TLL2: variants seen among roughly 807,000 people sequenced by gnomAD.
TLL2 encodes the protein tolloid-like protein 2.
TLL2 carries 106 observed loss-of-function variants against 123.0 expected under a neutral mutation model. The observed-to-expected ratio is 0.86, with a 90% CI of 0.74 to 1.01. The LOEUF (loss-of-function observed/expected upper bound fraction) is 1.01. Ranked by LOEUF, TLL2 falls within the 50% of genes least tolerant of loss-of-function variation. The pLI is 0.00. For synonymous variants in TLL2, 494 were observed against 516.8 expected (o/e 0.96, Z 0.60); for missense variants, 1,332 against 1,336.7 (o/e 1.00, Z 0.06).
intron 13 of TLL2, among the ~76,000 whole-genome samples, chr10:96,387,306 G>A (rs1379012593): frequency 6.6e-6 from 1 of 152,226 alleles, no homozygotes; most frequent in Non-Finnish European, 1.5e-5. Flanking sequence ...GCTGGGGTAG[G>A]CTCTGCCAAG....
intron 1 of TLL2, among the ~76,000 whole-genome samples, chr10:96,508,222 A>G (rs955263672): frequency 6.6e-6 from 1 of 152,148 alleles, no homozygotes; most frequent in African/African-American, 2.4e-5. Flanking sequence ...AATCTTCCCA[A>G]TGCCACTCTG....
intron 2 of TLL2, among the ~76,000 whole-genome samples, chr10:96,462,665 A>G (rs1005895234): frequency 6.6e-6 from 1 of 152,220 alleles, no homozygotes; most frequent in African/African-American, 2.4e-5. Flanking sequence ...CTGTTTAAAG[A>G]CACCTAATTT....
At chr10:96,455,352 T>C (rs1014847035) in intron 2 of TLL2, among the ~76,000 whole-genome samples, 1 of 152,192 alleles carries the variant, frequency 6.6e-6, no homozygotes, top group Non-Finnish European at 1.5e-5. Context: ...TTGGCCAAGA[T>C]ACACTGGGTA....
rs148586913 is a variant in TLL2 at position 96,413,287 on chromosome 10, C to T, written c.953G>A (p.Arg318His). 3.1e-5 allele frequency: 50 copies of T among 1,613,850 alleles called. No individual in the cohort carries two copies. The highest frequency in any genetic ancestry group is 3.8e-5 in the Non-Finnish European group (45 of 1,179,880). ...RGVFLDTILP[R>H]QDDNGVRPTI... ...TGGCCTGACGCCATTGTCATCTTGA[C>T]GGGGAAGGATGGTGTCTAAGAAAAC... The change falls in exon 8 of 21, where the codon CGT (arginine) becomes CAT (histidine). Residue 318 changes from arginine (R) to histidine (H), a missense_variant. Physicochemically the swap from Arg to His is conservative, Grantham distance 29. Coordinates refer to ENST00000357947, the MANE Select transcript of TLL2 (RefSeq NM_012465.4).
At chr10:96,484,590 TACACACACACACACACACAC>T (rs56286214) in intron 1 of TLL2, among the ~76,000 whole-genome samples, 11 of 146,028 alleles carry the variant, frequency 7.5e-5, no homozygotes, top group South Asian at 4.5e-4. Flanking sequence ...TACACATAAG[TACACACACACACACACACAC>T]ACACACACAC....
chr10:96,396,105 A>G (rs1043068899), intron 11 of TLL2, 85 bp from the exon 12 acceptor site: 57 of 1,524,914 alleles, frequency 3.7e-5, no homozygotes, highest in Non-Finnish European at 4.9e-5. Context: ...CGGGGGGAAC[A>G]GCGCTTGCCA....
intron 2 of TLL2, among the ~76,000 whole-genome samples, chr10:96,453,353 G>A (rs1404819758): frequency 6.6e-6 from 1 of 152,174 alleles, no homozygotes; most frequent in Non-Finnish European, 1.5e-5. Context: ...CTACTTAGGA[G>A]GCTGAGGCAG....
intron 3 of TLL2, among the ~76,000 whole-genome samples, chr10:96,437,357 GGCATTGATACAA>G (rs2134083238): frequency 6.6e-6 from 1 of 152,196 alleles, no homozygotes; most frequent in South Asian, 2.1e-4. Context: ...CTAGGATATG[GGCATTGATACAA>G]GCCACTGATT....
intron 16 of TLL2, among the ~76,000 whole-genome samples, chr10:96,381,549 C>T (rs928920292): frequency 5.9e-5 from 9 of 152,194 alleles, no homozygotes; most frequent in African/African-American, 2.2e-4. Context: ...TCTCCACCTC[C>T]ATGTCTTCCA....
At chr10:96,422,785 C>A in intron 5 of TLL2, 58 bp from the exon 6 acceptor site, 1 of 1,591,550 alleles carries the variant, frequency 6.3e-7, no homozygotes, top group Non-Finnish European at 8.6e-7. Flanking sequence ...GAGCAAGAGG[C>A]AAGTCCCCCC....
intron 2 of TLL2, among the ~76,000 whole-genome samples, chr10:96,454,584 C>T (rs1321658645): frequency 6.6e-6 from 1 of 152,172 alleles, no homozygotes; most frequent in Admixed American, 6.5e-5. Context: ...TCCCCTGGCC[C>T]CTGGACTCCA....
chr10:96,393,825 G>C (rs1334501077), intron 13 of TLL2, among the ~76,000 whole-genome samples: 2 of 151,406 alleles, frequency 1.3e-5, no homozygotes, highest in Non-Finnish European at 2.9e-5. Flanking sequence ...CTGCTGTTTG[G>C]GTTTTGCTCT....
At chr10:96,489,697 G>T (rs1313357730) in intron 1 of TLL2, among the ~76,000 whole-genome samples, 7 of 152,048 alleles carry the variant, frequency 4.6e-5, no homozygotes, top group Admixed American at 4.6e-4. Flanking sequence ...GCCACATGTG[G>T]CTAGCTATAT....
At position 96,364,892 on chromosome 10, in the gene TLL2, A is replaced by G. The variant is rs1589400773; in HGVS notation, c.*3196T>C. The stretch of plus-strand genomic sequence containing the variant: ...TCACAAATGGAACGCTAACAATACC[A>G]ATCTGAAAGCTATCAAAGGGACCCA... On this transcript the variant is annotated 3_prime_UTR_variant, in exon 21 of 21. Transcript: ENST00000357947. The G allele has an allele frequency of 1.3e-5, 2 of 152,398 alleles. No individual in the cohort carries two copies. The highest frequency in any genetic ancestry group is 4.1e-4 in the South Asian group (2 of 4,832). The allele number at this position is 152,398 out of a possible 1,614,324, so 9.4% of individuals were successfully genotyped here.
At chr10:96,482,673 A>G (rs1847322723) in intron 1 of TLL2, among the ~76,000 whole-genome samples, 1 of 152,250 alleles carries the variant, frequency 6.6e-6, no homozygotes, top group South Asian at 2.1e-4. Flanking sequence ...GGGGGCAGAA[A>G]CAAGGATCGA....
chr10:96,396,102 A>C, intron 11 of TLL2, 82 bp from the exon 12 acceptor site: 1 of 1,536,162 alleles, frequency 6.5e-7, no homozygotes, highest in South Asian at 1.3e-5. Flanking sequence ...AGGCGGGGGG[A>C]ACAGCGCTTG....
At chr10:96,449,080 G>A (rs1846928462) in intron 2 of TLL2, among the ~76,000 whole-genome samples, 1 of 152,218 alleles carries the variant, frequency 6.6e-6, no homozygotes, top group South Asian at 2.1e-4. Context: ...CAAACCATGT[G>A]CTAAGAACAG....
intron 20 of TLL2, 87 bp from the exon 21 acceptor site, chr10:96,368,309 G>T: frequency 6.7e-7 from 1 of 1,491,830 alleles, no homozygotes. Context: ...CTTATGCAAG[G>T]ACACAGGATG....
rs115570174 is a variant in TLL2, at chr10:96,412,352, A to G, written c.1048+840T>C. Among the ~76,000 whole-genome samples, 1,087 of 152,318 alleles carry G rather than the reference A, an allele frequency of 7.1e-3. 17 individuals carry two copies. Among genetic ancestry groups the G allele is most frequent in the African/African-American group, 0.024 (1,006 of 41,556 alleles). ...TGTGTCTGGTTTGGAAGTCTGGGAA[A>G]GGCTATTGGTAATGGAACTTCCTTC... On this transcript the variant is annotated intron_variant, in intron 8 of 20. Transcript: ENST00000357947.
Sources: allele counts gnomAD v4.1 joint callset (sites outside exome capture counted in the v4.1 genomes callset), GRCh38; gene constraint gnomAD v4.1.1; transcripts MANE v1.5; gene names NCBI Gene and HGNC (gene_info 2026-07-23, HGNC 2026-07-21).